The following MGAT4C variants were observed in gnomAD, a reference collection of about 807,000 sequenced individuals.
The protein encoded by MGAT4C is alpha-1,3-mannosyl-glycoprotein 4-beta-N-acetylglucosaminyltransferase C.
MGAT4C carries 19 observed loss-of-function variants against 40.1 expected under a neutral mutation model. The ratio of observed to expected loss-of-function variants is 0.47; its 90% CI spans 0.33 to 0.70. The LOEUF is 0.70. Among genes scored for constraint, MGAT4C ranks in the 30% least tolerant of loss-of-function variants. The pLI is 0.02. For missense variants in MGAT4C, 491 were observed against 563.2 expected, an observed-to-expected ratio of 0.87 and a Z score of 1.30; for synonymous variants, 181 against 187.1, an observed-to-expected ratio of 0.97 and a Z score of 0.27.
intron 2 of MGAT4C, among the ~76,000 whole-genome samples, chr12:86,644,828 G>T (rs912778940): frequency 2.0e-5 from 3 of 151,572 alleles, no homozygotes; most frequent in Admixed American, 1.3e-4. Flanking sequence ...CTAATATATG[G>T]TATAAAAAGT....
chr12:85,963,989 T>G lies in MGAT4C; in HGVS notation c.*15300A>C, dbSNP rs775154003. 5.3e-5 allele frequency: 8 copies of G among 152,022 alleles called. No homozygotes were observed. Among genetic ancestry groups the G allele is most frequent in the Non-Finnish European group, 1.2e-4 (8 of 67,944 alleles). 9.4% of individuals were successfully genotyped at this position (152,022 alleles called of 1,614,324 possible). A position where few individuals can be genotyped will look rare whatever the true frequency, so the allele number is the denominator to read the frequency against. On this transcript the variant is annotated 3_prime_UTR_variant, in exon 5 of 5. Coordinates refer to ENST00000611864, the MANE Select transcript of MGAT4C (RefSeq NM_001351288.2). ...CCAAAGTGATAGTCAAAAGTACCTA[T>G]GTTTGCCTAGTTCTCAGATTACAAC...
At chr12:86,485,459 A>T (rs1958004121) in intron 2 of MGAT4C, among the ~76,000 whole-genome samples, 1 of 151,814 alleles carries the variant, frequency 6.6e-6, no homozygotes. Context: ...CATAAATAGC[A>T]GAATAGACCA....
At chr12:86,438,507 C>T (rs570233281) in intron 2 of MGAT4C, among the ~76,000 whole-genome samples, 4 of 151,842 alleles carry the variant, frequency 2.6e-5, no homozygotes, top group Admixed American at 2.0e-4. Flanking sequence ...AACAAATTTT[C>T]GATAATGAAA....
chr12:86,755,145 T>G (rs1951281561), intron 1 of MGAT4C, among the ~76,000 whole-genome samples: 1 of 152,132 alleles, frequency 6.6e-6, no homozygotes, highest in Non-Finnish European at 1.5e-5. Context: ...TTCAATAATG[T>G]GGATGGCCTC....
intron 3 of MGAT4C, among the ~76,000 whole-genome samples, chr12:86,376,817 A>C (rs964075867): frequency 1.9e-5 from 1 of 53,624 alleles, no homozygotes; most frequent in Non-Finnish European, 3.5e-5. Flanking sequence ...AGAGAGAGAG[A>C]CAGAGAGAGA....
chr12:86,791,606 C>A (rs1301684934), intron 1 of MGAT4C, among the ~76,000 whole-genome samples: 1 of 152,000 alleles, frequency 6.6e-6, no homozygotes, highest in Admixed American at 6.6e-5. Context: ...TTTCACATAT[C>A]CTATTTTATT....
At chr12:86,428,839 TTTGAG>T (rs1956979898) in intron 3 of MGAT4C, among the ~76,000 whole-genome samples, 1 of 152,072 alleles carries the variant, frequency 6.6e-6, no homozygotes, top group African/African-American at 2.4e-5. Flanking sequence ...TCTGATTTTA[TTTGAG>T]TTTTCTCTCT....
chr12:86,779,011 T>TA (rs34368650), intron 1 of MGAT4C, among the ~76,000 whole-genome samples: 5,144 of 142,394 alleles, frequency 0.036, 168 homozygotes, highest in African/African-American at 0.092. Context: ...ACAATTTCAC[T>TA]AAAAAAAAAA....
At chr12:86,068,389 T>C (rs1894763957) in intron 1 of MGAT4C, 1 of 152,052 alleles carries the variant, frequency 6.6e-6, no homozygotes, top group Non-Finnish European at 1.5e-5. Flanking sequence ...ATTGTTATAA[T>C]TCATTCATTA....
intron 1 of MGAT4C, among the ~76,000 whole-genome samples, chr12:86,136,389 G>A (rs1881956560): frequency 6.6e-6 from 1 of 152,136 alleles, no homozygotes; most frequent in African/African-American, 2.4e-5. Flanking sequence ...AAAAAAGAAA[G>A]CATGGAGATG....
chr12:86,566,613 T>G (rs1316911829), intron 2 of MGAT4C, among the ~76,000 whole-genome samples: 5 of 142,502 alleles, frequency 3.5e-5, no homozygotes, highest in Non-Finnish European at 7.6e-5. Context: ...ATTATTGTAT[T>G]ATATATGTAT....
intron 1 of MGAT4C, among the ~76,000 whole-genome samples, chr12:86,217,519 G>T (rs1329736425): frequency 6.6e-6 from 1 of 152,106 alleles, no homozygotes; most frequent in African/African-American, 2.4e-5. Flanking sequence ...GTGCCACATT[G>T]ATAAATTGTA....
chr12:86,075,054 T>C lies in MGAT4C; in HGVS notation c.-56-25331A>G, dbSNP rs951309431. On this transcript the variant is annotated intron_variant, in intron 1 of 4. Coordinates refer to ENST00000611864, the MANE Select transcript of MGAT4C (RefSeq NM_001351288.2). ...TTCCCAACAGTCCCCCAATCTTAAC[T>C]CATTTCAGCATTAACCCAAAAGTCC... 1.7e-4 allele frequency among the ~76,000 whole-genome samples: 26 copies of C among 152,100 alleles called. 1 individual carries two copies. Among genetic ancestry groups the C allele is most frequent in the African/African-American group, 6.3e-4 (26 of 41,422 alleles).
chr12:86,297,861 G>T (rs991021390), intron 4 of MGAT4C, among the ~76,000 whole-genome samples: 2 of 152,014 alleles, frequency 1.3e-5, no homozygotes, highest in African/African-American at 4.8e-5. Context: ...GAAAGGAGAG[G>T]TCATTTAAAT....
intron 3 of MGAT4C, among the ~76,000 whole-genome samples, chr12:86,421,718 A>G (rs984387094): frequency 2.0e-5 from 3 of 152,218 alleles, no homozygotes; most frequent in African/African-American, 7.2e-5. Context: ...CGGAAATTGC[A>G]GTGAGCCGAG....
In MGAT4C at chr12:86,012,778, AACCACC is replaced by A. The variant is rs1183997849; in HGVS notation, c.-6-23232_-6-23227del. On this transcript the variant is annotated intron_variant, in intron 2 of 4. Coordinates refer to ENST00000611864, the MANE Select transcript of MGAT4C (RefSeq NM_001351288.2). ...AAACAACAACAACAACAACAACAAC[AACCACC>A]ACCACCACCACCACCACCACCACCA... Among the ~76,000 whole-genome samples the A allele has an allele frequency of 1.6e-3, 223 of 136,400 alleles. 1 individual carries two copies. Among genetic ancestry groups the A allele is most frequent in the Middle Eastern group, 7.4e-3 (2 of 272 alleles). 89.5% of individuals were successfully genotyped at this position (136,400 alleles called of 152,430 possible).
At chr12:86,383,890 C>A (rs920456060) in intron 3 of MGAT4C, among the ~76,000 whole-genome samples, 1 of 152,026 alleles carries the variant, frequency 6.6e-6, no homozygotes, top group African/African-American at 2.4e-5. Context: ...GGGCCAGGGG[C>A]AGAATGATAT....
chr12:86,517,842 G>A (rs191746258), intron 2 of MGAT4C, among the ~76,000 whole-genome samples: 1 of 152,070 alleles, frequency 6.6e-6, no homozygotes, highest in East Asian at 1.9e-4. Flanking sequence ...GTAGTAACGG[G>A]GTTTCACCGT....
chr12:86,479,897 C>A (rs1957904645), intron 2 of MGAT4C, among the ~76,000 whole-genome samples: 1 of 151,762 alleles, frequency 6.6e-6, no homozygotes, highest in Non-Finnish European at 1.5e-5. Flanking sequence ...GTTACTCTGA[C>A]TAAACACTGA....
Sources: gnomAD v4.1 joint callset for allele counts (sites outside exome capture counted in the v4.1 genomes callset) on GRCh38, gnomAD v4.1.1 for gene constraint, MANE v1.5 for transcripts, NCBI Gene and HGNC (gene_info 2026-07-23, HGNC 2026-07-21) for gene names.